Variants in CAST observed in about 807,000 individuals in gnomAD.
The protein encoded by CAST is calpastatin, also known as MIR583 host.
CAST carries 76 observed loss-of-function variants against 119.6 expected under a neutral mutation model. That is an observed-to-expected ratio of 0.64 (90% CI 0.53 to 0.77). The LOEUF is 0.77. Ranked by LOEUF, CAST falls within the 30% of genes least tolerant of loss-of-function variation. The pLI is 0.00. For synonymous variants in CAST, 319 were observed against 331.6 expected, an observed-to-expected ratio of 0.96 and a Z score of 0.41; for missense variants, 953 against 946.5, an observed-to-expected ratio of 1.01 and a Z score of -0.09.
At chr5:96,381,969 T>C in the CAST span, among the ~76,000 whole-genome samples, 4 of 152,342 alleles carry the variant, frequency 2.6e-5, no homozygotes, top group East Asian at 7.7e-4. Flanking sequence ...TGGCATATAA[T>C]GTGGCGTTAA....
chr5:96,528,557 G>T (rs1003621750), upstream of CAST, among the ~76,000 whole-genome samples: 2 of 152,170 alleles, frequency 1.3e-5, no homozygotes, highest in African/African-American at 4.8e-5. Context: ...TCACAAGATG[G>T]TGGGGGACAA....
At chr5:96,662,296 T>C, upstream of CAST, 7 of 1,142,132 alleles carry the variant, frequency 6.1e-6, no homozygotes, top group South Asian at 2.5e-5. Flanking sequence ...AAAAGCTGTT[T>C]CATCGCCCGC....
At chr5:96,618,247 T>C (rs576247451) in intron 1 of CAST, among the ~76,000 whole-genome samples, 2 of 152,224 alleles carry the variant, frequency 1.3e-5, no homozygotes, top group Non-Finnish European at 2.9e-5. Context: ...CTGAGCTCTG[T>C]GCTTCTTGGC....
intron 1 of CAST, among the ~76,000 whole-genome samples, chr5:96,670,787 T>G (rs192347892): frequency 6.6e-6 from 1 of 152,336 alleles, no homozygotes. Context: ...TGAGCCACTG[T>G]GCCCGGCCTA....
upstream of CAST, chr5:96,662,322 T>TCCCAGC: frequency 1.8e-6 from 1 of 567,042 alleles, no homozygotes; most frequent in Non-Finnish European, 2.5e-6. Flanking sequence ...GGCCCTCCGC[T>TCCCAGC]CCCTCCCTCC....
At chr5:96,617,495 A>G (rs1199134834) in intron 1 of CAST, among the ~76,000 whole-genome samples, 2 of 152,158 alleles carry the variant, frequency 1.3e-5, no homozygotes, top group Non-Finnish European at 2.9e-5. Flanking sequence ...TATTGCTTTT[A>G]AAACTCTTAG....
At chr5:96,657,059 A>T (rs1421802122) in intron 1 of CAST, among the ~76,000 whole-genome samples, 2 of 152,226 alleles carry the variant, frequency 1.3e-5, no homozygotes, top group Non-Finnish European at 2.9e-5. Context: ...AAATGAAAAC[A>T]AACCTGACAC....
At chr5:96,418,714 T>G in the CAST span, among the ~76,000 whole-genome samples, 1 of 152,224 alleles carries the variant, frequency 6.6e-6, no homozygotes, top group African/African-American at 2.4e-5. Context: ...GCTTTATGTC[T>G]GACAACATGC....
At chr5:96,693,801 C>G (rs1393121626) in intron 2 of CAST, among the ~76,000 whole-genome samples, 1 of 152,238 alleles carries the variant, frequency 6.6e-6, no homozygotes, top group Non-Finnish European at 1.5e-5. Context: ...CTTTTACCAT[C>G]TCACATATCA....
intron 1 of CAST, among the ~76,000 whole-genome samples, chr5:96,651,987 T>C (rs937972809): frequency 6.6e-6 from 1 of 152,138 alleles, no homozygotes. Flanking sequence ...CCCTGCAAGG[T>C]ATATATTAGT....
At chr5:96,611,296 CAG>C (rs1191877583) in intron 1 of CAST, among the ~76,000 whole-genome samples, 5 of 152,182 alleles carry the variant, frequency 3.3e-5, no homozygotes, top group African/African-American at 1.2e-4. Context: ...AACCCAGAAA[CAG>C]AGCCACTCAT....
chr5:96,177,329 A>G, the CAST span, among the ~76,000 whole-genome samples: 1 of 152,200 alleles, frequency 6.6e-6, no homozygotes, highest in African/African-American at 2.4e-5. Context: ...TTTTGATTAT[A>G]TGTTGAAACC....
intron 1 of CAST, among the ~76,000 whole-genome samples, chr5:96,563,943 G>A (rs1031255779): frequency 2.0e-5 from 3 of 152,178 alleles, no homozygotes; most frequent in South Asian, 2.1e-4. Flanking sequence ...GCTATGAAAC[G>A]TATTCATCTT....
chr5:96,206,558 G>A, the CAST span, among the ~76,000 whole-genome samples: 1 of 152,014 alleles, frequency 6.6e-6, no homozygotes, highest in Admixed American at 6.6e-5. Context: ...TATTTAATAG[G>A]CAATTCTTTC....
At chr5:96,450,453 A>G in the CAST span, among the ~76,000 whole-genome samples, 4 of 152,146 alleles carry the variant, frequency 2.6e-5, no homozygotes, top group Non-Finnish European at 4.4e-5. Context: ...GGAGGGTGAA[A>G]AGGAGGTGAG....
the CAST span, among the ~76,000 whole-genome samples, chr5:96,132,375 A>G: frequency 2.0e-5 from 3 of 152,136 alleles, no homozygotes; most frequent in Non-Finnish European, 2.9e-5. Context: ...TAATTGAGGT[A>G]TCTATCACCT....
intron 1 of CAST, among the ~76,000 whole-genome samples, chr5:96,591,159 G>C (rs547979319): frequency 1.1e-3 from 162 of 152,320 alleles, no homozygotes; most frequent in African/African-American, 3.5e-3. Flanking sequence ...CAAAAGAAGA[G>C]AAGAGAAGCA....
chr5:96,572,325 C>T (rs545305457), intron 1 of CAST, among the ~76,000 whole-genome samples: 4 of 152,118 alleles, frequency 2.6e-5, no homozygotes, highest in South Asian at 4.2e-4. Context: ...TTCAGCCTCC[C>T]GAGTAGCTGG....
At chr5:96,523,010 G>A (rs751598355), upstream of CAST, among the ~76,000 whole-genome samples, 3 of 152,164 alleles carry the variant, frequency 2.0e-5, no homozygotes, top group Non-Finnish European at 4.4e-5. Flanking sequence ...ATTTCTCCTG[G>A]CCCCTCCTCA....
Sources: gnomAD v4.1 joint callset for allele counts (sites outside exome capture counted in the v4.1 genomes callset) on GRCh38, gnomAD v4.1.1 for gene constraint, MANE v1.5 for transcripts, NCBI Gene and HGNC (gene_info 2026-07-23, HGNC 2026-07-21) for gene names.